Variants in DCP1B observed in about 807,000 individuals in gnomAD.
DCP1B encodes mRNA-decapping enzyme 1B.
A neutral mutation model predicts 60.5 loss-of-function variants in DCP1B; 47 were observed. The observed-to-expected ratio is 0.78, with a 90% CI of 0.61 to 0.99. DCP1B has a LOEUF of 0.99. DCP1B is among the 50% of genes least tolerant of loss of function. The pLI, the probability that DCP1B is intolerant of heterozygous loss-of-function variation, is 0.00. For missense variants in DCP1B, 725 were observed against 756.8 expected, an observed-to-expected ratio of 0.96 and a Z score of 0.49; for synonymous variants, 267 against 280.3, an observed-to-expected ratio of 0.95 and a Z score of 0.47.
At chr12:2,004,007 C>T (rs949833405) in intron 1 of DCP1B, among the ~76,000 whole-genome samples, 2 of 152,174 alleles carry the variant, frequency 1.3e-5, no homozygotes, top group Non-Finnish European at 2.9e-5. Flanking sequence ...TCCTTCGGCT[C>T]TTATGGTGCC....
intron 5 of DCP1B, among the ~76,000 whole-genome samples, chr12:1,957,965 T>C (rs1394794273): frequency 1.3e-5 from 2 of 152,126 alleles, no homozygotes; most frequent in Non-Finnish European, 2.9e-5. Flanking sequence ...CCTGAGACTA[T>C]AAACCTCCTG....
intron 3 of DCP1B, among the ~76,000 whole-genome samples, chr12:1,986,105 G>A (rs777405855): frequency 3.9e-5 from 6 of 152,338 alleles, no homozygotes; most frequent in East Asian, 1.9e-4. Context: ...GAGCCACTGC[G>A]CCCAGCCGTC....
intron 3 of DCP1B, among the ~76,000 whole-genome samples, chr12:1,980,192 T>C (rs1439872541): frequency 6.6e-6 from 1 of 152,136 alleles, no homozygotes; most frequent in Non-Finnish European, 1.5e-5. Flanking sequence ...TTATTCAGAA[T>C]AGCTCAAATT....
chr12:1,955,567 T>G lies in DCP1B; in HGVS notation c.523-7A>C. 6.2e-7 allele frequency: 1 copy of G among 1,607,318 alleles called. No homozygotes were observed. The highest frequency in any genetic ancestry group is 8.5e-7 in the Non-Finnish European group (1 of 1,177,088). ...GCTCAGAACAGGTTTTACACTGAAA[T>G]AGAAAAGAAAATCCCCTCATTTTTG... On this transcript the variant is annotated splice_region_variant and splice_polypyrimidine_tract_variant and intron_variant, in intron 5 of 8. Coordinates refer to ENST00000280665, the MANE Select transcript of DCP1B (RefSeq NM_152640.5).
At chr12:1,945,067 G>A (rs1164337533), downstream of DCP1B, among the ~76,000 whole-genome samples, 2 of 152,036 alleles carry the variant, frequency 1.3e-5, no homozygotes, top group African/African-American at 4.8e-5. Flanking sequence ...AATCTACAAA[G>A]AACTTAAACA....
At chr12:1,960,649 TAA>T (rs1222851480) in intron 5 of DCP1B, among the ~76,000 whole-genome samples, 2 of 152,198 alleles carry the variant, frequency 1.3e-5, no homozygotes, top group African/African-American at 4.8e-5. Flanking sequence ...ATACCATACA[TAA>T]ATATATACAA....
intron 1 of DCP1B, among the ~76,000 whole-genome samples, chr12:1,999,385 A>G (rs1314148349): frequency 6.6e-6 from 1 of 152,234 alleles, no homozygotes; most frequent in African/African-American, 2.4e-5. Flanking sequence ...TTTAATCTCA[A>G]GATGTTTATT....
At chr12:1,991,752 G>A (rs936297896) in intron 3 of DCP1B, 4 of 155,456 alleles carry the variant, frequency 2.6e-5, no homozygotes, top group African/African-American at 9.7e-5. Context: ...GACTTAAGAA[G>A]GTTATTTTTT....
At chr12:2,003,012 C>T (rs540111795) in intron 1 of DCP1B, among the ~76,000 whole-genome samples, 10 of 152,218 alleles carry the variant, frequency 6.6e-5, no homozygotes, top group African/African-American at 2.2e-4. Context: ...TACAGAAGAA[C>T]GAATATTAAA....
chr12:1,973,604 G>C (rs2033255032), intron 3 of DCP1B, among the ~76,000 whole-genome samples: 1 of 151,912 alleles, frequency 6.6e-6, no homozygotes, highest in Non-Finnish European at 1.5e-5. Flanking sequence ...TCCTAAACTG[G>C]GAACCTTGAG....
At chr12:1,959,068 T>C (rs1037438788) in intron 5 of DCP1B, among the ~76,000 whole-genome samples, 12 of 142,640 alleles carry the variant, frequency 8.4e-5, no homozygotes, top group Admixed American at 6.3e-4. Flanking sequence ...ACTTTTTCTA[T>C]AAACCTCCTG....
chr12:1,978,411 G>A (rs962687014), intron 3 of DCP1B, among the ~76,000 whole-genome samples: 1 of 152,008 alleles, frequency 6.6e-6, no homozygotes, highest in African/African-American at 2.4e-5. Flanking sequence ...CAGAGATCAG[G>A]GTTAGCAGAA....
intron 3 of DCP1B, among the ~76,000 whole-genome samples, chr12:1,970,394 T>A (rs1356838371): frequency 6.6e-6 from 1 of 151,958 alleles, no homozygotes; most frequent in Non-Finnish European, 1.5e-5. Context: ...GGACAGAAAA[T>A]TTAAATAGCC....
chr12:1,996,652 AAAAC>A lies in DCP1B; in HGVS notation c.191+1279_191+1282del, dbSNP rs1565870430. On this transcript the variant is annotated intron_variant, in intron 2 of 8. Coordinates refer to ENST00000280665, the MANE Select transcript of DCP1B (RefSeq NM_152640.5). ...AAAAAAAAAAAAAAAAAAAAAAAAA[AAAAC>A]AACAAACTCTTCTAATGTTTTAAAG... Among the ~76,000 whole-genome samples, 13 of 38,914 alleles carry A rather than the reference AAAAC, an allele frequency of 3.3e-4. 1 individual carries two copies. The highest frequency in any genetic ancestry group is 1.7e-3 in the African/African-American group (11 of 6,354). 25.5% of individuals were successfully genotyped at this position (38,914 alleles called of 152,430 possible).
rs2030557563 is a variant in DCP1B, at chr12:1,949,133, G to C, written c.1726C>G (p.Pro576Ala). 1.2e-6 allele frequency: 2 copies of C among 1,614,110 alleles called. No individual in the cohort carries two copies. The highest frequency in any genetic ancestry group is 2.2e-5 in the East Asian group (1 of 44,876). Residue 576 changes from proline (P) to alanine (A), a missense_variant, in exon 8 of 9, where the codon CCA (proline) becomes GCA (alanine). Physicochemically the swap from Pro to Ala is conservative, Grantham distance 27. Coordinates refer to ENST00000280665, the MANE Select transcript of DCP1B (RefSeq NM_152640.5). ...SPEPSVITSS[P>A]LTKLQLQEAL... is the part of the protein sequence containing the mutation. ...TCCTGGAGCTGGAGCTTGGTGAGTG[G>C]GCTGCTGGTGATCACGGAGGGCTCC... is the stretch of plus-strand genomic sequence containing the variant.
intron 3 of DCP1B, among the ~76,000 whole-genome samples, chr12:1,980,226 G>C (rs896141104): frequency 6.6e-6 from 1 of 152,146 alleles, no homozygotes; most frequent in African/African-American, 2.4e-5. Flanking sequence ...AGTATCTATC[G>C]ATAGGAGAAT....
At chr12:2,003,186 T>A (rs1250824717) in intron 1 of DCP1B, among the ~76,000 whole-genome samples, 1 of 152,074 alleles carries the variant, frequency 6.6e-6, no homozygotes, top group Non-Finnish European at 1.5e-5. Context: ...TTCAGGTGAG[T>A]TTTTTACTAC....
intron 3 of DCP1B, among the ~76,000 whole-genome samples, chr12:1,987,289 T>C (rs1326006534): frequency 1.3e-5 from 2 of 152,228 alleles, no homozygotes; most frequent in Non-Finnish European, 2.9e-5. Flanking sequence ...TACATCATTA[T>C]AATACTAGTA....
intron 3 of DCP1B, among the ~76,000 whole-genome samples, chr12:1,975,717 T>A (rs1006787191): frequency 6.6e-6 from 1 of 152,202 alleles, no homozygotes; most frequent in African/African-American, 2.4e-5. Flanking sequence ...ATAGTCTTTA[T>A]GGTTTAGGAT....
Sources: allele counts gnomAD v4.1 joint callset (sites outside exome capture counted in the v4.1 genomes callset), GRCh38; gene constraint gnomAD v4.1.1; transcripts MANE v1.5; gene names NCBI Gene and HGNC (gene_info 2026-07-23, HGNC 2026-07-21).